SLC24A2: variants seen among roughly 807,000 people sequenced by gnomAD.
SLC24A2 encodes sodium/potassium/calcium exchanger 2.
In SLC24A2, 36 loss-of-function variants were observed where a neutral mutation model predicts 62.0. That is an observed-to-expected ratio of 0.58 (90% CI 0.44 to 0.77). The LOEUF (loss-of-function observed/expected upper bound fraction) is 0.77. SLC24A2 is among the 30% of genes least tolerant of loss of function. SLC24A2 has a pLI of 0.00. For synonymous variants in SLC24A2, 358 were observed against 294.0 expected (o/e 1.22, Z -2.23); for missense variants, 846 against 817.9 (o/e 1.03, Z -0.42).
chr9:19,883,384 A>T, the SLC24A2 span, among the ~76,000 whole-genome samples: 1 of 152,298 alleles, frequency 6.6e-6, no homozygotes, highest in African/African-American at 2.4e-5. Flanking sequence ...AATTTAATAG[A>T]GATAAGAAAT....
the SLC24A2 span, among the ~76,000 whole-genome samples, chr9:20,023,566 C>A: frequency 6.6e-5 from 10 of 152,280 alleles, no homozygotes; most frequent in Admixed American, 3.3e-4. Context: ...AAAGCCCCCC[C>A]ACCTATAACC....
chr9:19,598,965 G>A (rs996128680), intron 4 of SLC24A2, among the ~76,000 whole-genome samples: 2 of 152,188 alleles, frequency 1.3e-5, no homozygotes, highest in Non-Finnish European at 2.9e-5. Flanking sequence ...CATTTGCTCA[G>A]CAAACAGAAT....
intron 2 of SLC24A2, among the ~76,000 whole-genome samples, chr9:19,622,573 G>A (rs1029955121): frequency 6.6e-6 from 1 of 152,152 alleles, no homozygotes; most frequent in Non-Finnish European, 1.5e-5. Context: ...GTCAACTGTG[G>A]CCCAGCCATG....
At chr9:20,227,894 T>A in the SLC24A2 span, among the ~76,000 whole-genome samples, 1 of 152,184 alleles carries the variant, frequency 6.6e-6, no homozygotes, top group Non-Finnish European at 1.5e-5. Context: ...GGAAATGTAG[T>A]CACAGAAATT....
chr9:19,533,589 G>T lies in SLC24A2; in HGVS notation c.1480-5451C>A, dbSNP rs201154582. The stretch of plus-strand genomic sequence containing the variant: ...TATGTGACTAAGTCCAGGCTAGCCT[G>T]CTTTGAGATAAGAGAGTATGTGGAG... On this transcript the variant is annotated intron_variant, in intron 8 of 10. Coordinates refer to ENST00000341998, the MANE Select transcript of SLC24A2 (RefSeq NM_020344.4). Among the ~76,000 whole-genome samples, 9 of 152,192 alleles carry T rather than the reference G, an allele frequency of 5.9e-5. No homozygotes were observed. In the East Asian group the frequency reaches 1.5e-3, roughly 26 times the overall value.
the SLC24A2 span, among the ~76,000 whole-genome samples, chr9:20,264,724 A>G: frequency 6.6e-6 from 1 of 152,204 alleles, no homozygotes; most frequent in African/African-American, 2.4e-5. Flanking sequence ...TAGGTGCTTA[A>G]TATTTGTTTC....
intron 2 of SLC24A2, among the ~76,000 whole-genome samples, chr9:19,639,375 C>G (rs984432725): frequency 6.6e-6 from 1 of 152,130 alleles, no homozygotes; most frequent in Non-Finnish European, 1.5e-5. Flanking sequence ...AATCTTGTGA[C>G]GCTTTGGGCA....
At position 19,664,336 on chromosome 9, in the gene SLC24A2, T is replaced by C. The variant is rs536506233; in HGVS notation, c.931-42037A>G. 2.6e-5 allele frequency among the ~76,000 whole-genome samples: 4 copies of C among 152,342 alleles called. No homozygotes were observed. In the South Asian group the frequency reaches 8.3e-4, roughly 32 times the overall value. ...GAATAGAAGTTAGCTTACAAATAAA[T>C]TTTTAAAGAAAAAAGTCTGGCTGTA... On this transcript the variant is annotated intron_variant, in intron 2 of 10. Coordinates refer to ENST00000341998, the MANE Select transcript of SLC24A2 (RefSeq NM_020344.4).
the SLC24A2 span, among the ~76,000 whole-genome samples, chr9:19,808,024 G>A: frequency 3.9e-5 from 6 of 152,326 alleles, no homozygotes; most frequent in South Asian, 1.0e-3. This position sits in a 1 kb window ranked among gnomAD's most constrained non-coding sequence, Gnocchi z 4.1. Context: ...GCACTGTGGG[G>A]AAAGACATTT....
chr9:19,970,472 A>G, the SLC24A2 span, among the ~76,000 whole-genome samples: 1 of 152,216 alleles, frequency 6.6e-6, no homozygotes, highest in East Asian at 1.9e-4. Flanking sequence ...TGAAAGGAAA[A>G]TATCAAATTC....
chr9:20,010,760 TC>T, the SLC24A2 span, among the ~76,000 whole-genome samples: 225 of 73,748 alleles, frequency 3.1e-3, 1 homozygote, highest in Admixed American at 0.033. Context: ...CCCTCCCCCC[TC>T]CCCCCACCCC....
At chr9:19,883,710 T>C in the SLC24A2 span, among the ~76,000 whole-genome samples, 13 of 152,180 alleles carry the variant, frequency 8.5e-5, no homozygotes, top group South Asian at 1.0e-3. Context: ...GGACTACAGG[T>C]GCCCGCCACC....
chr9:19,818,958 C>A, the SLC24A2 span, among the ~76,000 whole-genome samples: 2 of 152,058 alleles, frequency 1.3e-5, no homozygotes, highest in African/African-American at 4.8e-5. Flanking sequence ...TAGTATAAGG[C>A]CATAGTCACC....
At chr9:20,155,765 C>T in the SLC24A2 span, among the ~76,000 whole-genome samples, 27 of 151,776 alleles carry the variant, frequency 1.8e-4, no homozygotes, top group Middle Eastern at 3.4e-3. Context: ...AAGGTGAATA[C>T]GTATTCATCA....
chr9:20,251,318 C>T, the SLC24A2 span, among the ~76,000 whole-genome samples: 1 of 146,604 alleles, frequency 6.8e-6, no homozygotes, highest in Non-Finnish European at 1.5e-5. Flanking sequence ...TTTATAGAAG[C>T]AGAATGAGTC....
chr9:19,826,726 G>C, the SLC24A2 span, among the ~76,000 whole-genome samples: 1 of 152,168 alleles, frequency 6.6e-6, no homozygotes, highest in Non-Finnish European at 1.5e-5. Context: ...GAGCCCTCAT[G>C]GGCCAATTAC....
intron 10 of SLC24A2, among the ~76,000 whole-genome samples, chr9:19,517,613 T>G (rs531948933): frequency 6.6e-6 from 1 of 152,132 alleles, no homozygotes; most frequent in Non-Finnish European, 1.5e-5. Context: ...TTGATGTGAC[T>G]GCCTTGTGGG....
the SLC24A2 span, among the ~76,000 whole-genome samples, chr9:20,101,803 C>G: frequency 8.6e-5 from 13 of 151,922 alleles, no homozygotes; most frequent in Non-Finnish European, 1.6e-4. Context: ...AGGAACTTAC[C>G]TTAAGGGAAG....
At chr9:19,663,583 C>A (rs553818118) in intron 2 of SLC24A2, among the ~76,000 whole-genome samples, 1 of 152,152 alleles carries the variant, frequency 6.6e-6, no homozygotes, top group African/African-American at 2.4e-5. Flanking sequence ...CCTGGGTCCA[C>A]GTCCTGCAGG....
Sources: allele counts gnomAD v4.1 joint callset (sites outside exome capture counted in the v4.1 genomes callset), GRCh38; gene constraint gnomAD v4.1.1; non-coding constraint Gnocchi (gnomAD v3.1); transcripts MANE v1.5; gene names NCBI Gene and HGNC (gene_info 2026-07-23, HGNC 2026-07-21).